Variants in NCR2 observed in about 807,000 individuals in gnomAD.
NCR2 encodes the protein natural cytotoxicity triggering receptor 2.
A neutral mutation model predicts 30.7 loss-of-function variants in NCR2; 35 were observed. The ratio of observed to expected loss-of-function variants is 1.14; its 90% CI spans 0.87 to 1.51. The LOEUF is 1.51. Among genes scored for constraint, NCR2 ranks in the 40% most tolerant of loss-of-function variants. The pLI is 0.00. For synonymous variants in NCR2, 146 were observed against 134.8 expected (o/e 1.08, Z -0.58); for missense variants, 316 against 328.9 (o/e 0.96, Z 0.30).
chr6:41,337,951 T>C (rs1769076807), intron 2 of NCR2, among the ~76,000 whole-genome samples: 1 of 152,222 alleles, frequency 6.6e-6, no homozygotes, highest in Non-Finnish European at 1.5e-5. Flanking sequence ...ATTATTAATG[T>C]TTTCCCATGA....
chr6:41,340,690 C>T (rs547300976), intron 2 of NCR2, among the ~76,000 whole-genome samples: 18 of 152,268 alleles, frequency 1.2e-4, no homozygotes, highest in African/African-American at 3.9e-4. Flanking sequence ...TTTTATACTT[C>T]CCTTGTTGTG....
At chr6:41,338,366 G>A (rs1769084596) in intron 2 of NCR2, among the ~76,000 whole-genome samples, 1 of 152,172 alleles carries the variant, frequency 6.6e-6, no homozygotes, top group African/African-American at 2.4e-5. Context: ...TTCTGTCCAT[G>A]TTGGTCAGCA....
In NCR2 at chr6:41,335,759, T is replaced by C. The variant is rs563142445; in HGVS notation, c.-118T>C. On this transcript the variant is annotated 5_prime_UTR_variant, in exon 1 of 5. Coordinates refer to ENST00000373089, the MANE Select transcript of NCR2 (RefSeq NM_004828.4). ...CATCTCCCCAACCCAGGCCTCAGCC[T>C]GTCTCATTTTTCTATCAGACGTGCT... 3.8e-5 allele frequency: 44 copies of C among 1,157,008 alleles called. No homozygotes were observed. The South Asian group carries it at 5.6e-4, about 15-fold the overall frequency. The allele number at this position is 1,157,008 out of a possible 1,614,324, so 71.7% of individuals were successfully genotyped here. A position where few individuals can be genotyped will look rare whatever the true frequency, so the allele number is the denominator to read the frequency against.
intron 2 of NCR2, among the ~76,000 whole-genome samples, chr6:41,337,126 G>A (rs940443486): frequency 3.9e-5 from 6 of 152,206 alleles, no homozygotes; most frequent in East Asian, 1.9e-4. Flanking sequence ...CACAGTTCCT[G>A]TGGAAGAGGA....
chr6:41,346,996 A>C (rs922283886), intron 4 of NCR2, among the ~76,000 whole-genome samples: 3 of 152,118 alleles, frequency 2.0e-5, no homozygotes, highest in Non-Finnish European at 4.4e-5. Flanking sequence ...CACTCTCCCT[A>C]CTCTTATCTC....
chr6:41,348,034 G>A (rs9357356), intron 4 of NCR2, among the ~76,000 whole-genome samples: 104,846 of 152,062 alleles, frequency 0.69, 37,675 homozygotes, highest in East Asian at 0.86. Flanking sequence ...ATCACAAACC[G>A]TTGCTTCTGC....
chr6:41,346,509 A>T (rs143451950), intron 4 of NCR2, among the ~76,000 whole-genome samples: 2 of 152,056 alleles, frequency 1.3e-5, no homozygotes, highest in African/African-American at 4.8e-5. Context: ...ACCTCAAATC[A>T]GTCTTTGGCA....
chr6:41,343,764 T>C (rs1399922289), intron 4 of NCR2, among the ~76,000 whole-genome samples: 2 of 152,132 alleles, frequency 1.3e-5, no homozygotes, highest in Non-Finnish European at 2.9e-5. Flanking sequence ...GGGATTTGGC[T>C]GTTACCTCTC....
intron 2 of NCR2, among the ~76,000 whole-genome samples, chr6:41,338,335 T>C (rs758501618): frequency 2.0e-5 from 3 of 152,252 alleles, no homozygotes; most frequent in Non-Finnish European, 2.9e-5. Context: ...ATTTAATATA[T>C]TCACCTTATA....
At chr6:41,350,628 A>G (rs1769403485) in intron 4 of NCR2, 50 bp from the exon 5 acceptor site, 1 of 1,549,804 alleles carries the variant, frequency 6.5e-7, no homozygotes, top group Non-Finnish European at 8.8e-7. Flanking sequence ...CCTATGTGCA[A>G]TTATGTGGCA....
chr6:41,343,817 G>A (rs1769236143), intron 4 of NCR2, among the ~76,000 whole-genome samples: 1 of 152,102 alleles, frequency 6.6e-6, no homozygotes, highest in African/African-American at 2.4e-5. Flanking sequence ...CTTGGTTTTG[G>A]CTTGGTGGTG....
At chr6:41,346,522 C>A (rs1769303842) in intron 4 of NCR2, among the ~76,000 whole-genome samples, 1 of 152,174 alleles carries the variant, frequency 6.6e-6, no homozygotes, top group Non-Finnish European at 1.5e-5. Context: ...CTTTGGCACA[C>A]AGCCTCCCCT....
intron 4 of NCR2, among the ~76,000 whole-genome samples, chr6:41,344,056 C>T (rs1769243618): frequency 6.6e-6 from 1 of 152,154 alleles, no homozygotes; most frequent in Non-Finnish European, 1.5e-5. Flanking sequence ...CACACTGGCA[C>T]TCGGACCACT....
intron 4 of NCR2, among the ~76,000 whole-genome samples, chr6:41,347,732 G>A (rs569702002): frequency 6.6e-6 from 1 of 152,160 alleles, no homozygotes; most frequent in Non-Finnish European, 1.5e-5. Flanking sequence ...CAGGTTTTTT[G>A]GGGGGATGGG....
rs566916942 is a variant in NCR2 at position 41,341,531 on chromosome 6, G to A, written c.395-263G>A. Among the ~76,000 whole-genome samples, 14 of 152,178 alleles carry A rather than the reference G, an allele frequency of 9.2e-5. No homozygotes were observed. The South Asian group carries it at 1.9e-3, about 20-fold the overall frequency. On this transcript the variant is annotated intron_variant, in intron 2 of 4. Coordinates refer to ENST00000373089, the MANE Select transcript of NCR2 (RefSeq NM_004828.4). Reference sequence around the variant, plus strand: ...CGGATGGGTGCCCATCCAAAGACTCGAGTGCCTCCTGAGTCCTCTTCCAGT... The same window carrying A: ...CGGATGGGTGCCCATCCAAAGACTCAAGTGCCTCCTGAGTCCTCTTCCAGT...
chr6:41,341,156 C>A (rs543326935), intron 2 of NCR2, among the ~76,000 whole-genome samples: 11 of 152,306 alleles, frequency 7.2e-5, no homozygotes, highest in African/African-American at 1.4e-4. Flanking sequence ...GCCTTTTCGA[C>A]CTCAACAGTC....
chr6:41,339,542 G>A (rs541944870), intron 2 of NCR2, among the ~76,000 whole-genome samples: 1 of 151,958 alleles, frequency 6.6e-6, no homozygotes, highest in South Asian at 2.1e-4. Context: ...CCGCCACCAT[G>A]CCCGGCTAAT....
intron 4 of NCR2, among the ~76,000 whole-genome samples, chr6:41,346,922 G>A (rs1456199791): frequency 6.6e-6 from 1 of 151,846 alleles, no homozygotes; most frequent in Non-Finnish European, 1.5e-5. Flanking sequence ...GGGAAGGAAG[G>A]AGAAAAAAGA....
chr6:41,345,740 A>T (rs1769284405), intron 4 of NCR2, among the ~76,000 whole-genome samples: 1 of 152,090 alleles, frequency 6.6e-6, no homozygotes, highest in African/African-American at 2.4e-5. Flanking sequence ...AGACCTTGTA[A>T]ATCCATGACA....
Sources: allele counts gnomAD v4.1 joint callset (sites outside exome capture counted in the v4.1 genomes callset), GRCh38; gene constraint gnomAD v4.1.1; transcripts MANE v1.5; gene names NCBI Gene and HGNC (gene_info 2026-07-23, HGNC 2026-07-21).